NDUFS1: variants seen among roughly 807,000 people sequenced by gnomAD.
NDUFS1 encodes NADH-ubiquinone oxidoreductase 75 kDa subunit, mitochondrial.
NDUFS1 carries 61 observed loss-of-function variants against 84.4 expected under a neutral mutation model. That is an observed-to-expected ratio of 0.72 (90% confidence interval 0.59 to 0.89). The LOEUF is 0.89. Ranked by LOEUF, NDUFS1 falls within the 40% of genes least tolerant of loss-of-function variation. NDUFS1 has a pLI of 0.00. For synonymous variants in NDUFS1, 275 were observed against 290.0 expected (o/e 0.95, Z 0.53); for missense variants, 891 against 890.0 (o/e 1.00, Z -0.01).
In NDUFS1 at chr2:206,115,249, A is replaced by G. The variant is rs1479760028; in HGVS notation, c.*8936T>C. 1 of 152,332 alleles carries G rather than the reference A, an allele frequency of 6.6e-6. No homozygotes were observed. The highest frequency in any genetic ancestry group is 1.5e-5 in the Non-Finnish European group (1 of 68,136). The allele number at this position is 152,332 out of a possible 1,614,324, so 9.4% of individuals were successfully genotyped here. ...ATTTATTTTGCATGTGAGGACATGA[A>G]TCTGGGGAGCCCAAGGTGTGGAATG... On this transcript the variant is annotated 3_prime_UTR_variant, in exon 19 of 19. Transcript: ENST00000233190.
rs1237620228 is a variant in NDUFS1, at chr2:206,136,464, C to T, written c.1392+2021G>A. Among the ~76,000 whole-genome samples, 4 of 141,366 alleles carry T rather than the reference C, an allele frequency of 2.8e-5. 1 individual carries two copies. The highest frequency in any genetic ancestry group is 1.5e-4 in the Admixed American group (2 of 13,386). 92.7% of individuals were successfully genotyped at this position (141,366 alleles called of 152,430 possible). On this transcript the variant is annotated intron_variant, in intron 13 of 18. Transcript: ENST00000233190. ...TTTTTTTTTTTTTGAGATGGAGTCT[C>T]GCTCTGTCGCCCAGGCTGGAGTGCA...
In NDUFS1 at chr2:206,149,072, C is replaced by A; in HGVS notation, c.286G>T (p.Val96Leu). The change falls in exon 5 of 19, where the codon GTA (valine) becomes TTA (leucine). Residue 96 changes from valine (V) to leucine (L), a missense_variant. By Grantham distance (32) the Val-to-Leu change is conservative (BLOSUM62 1). Transcript: ENST00000233190. ...PKVVAACAMP[V>L]MKGWNILTNS... ...GTTAGGATATTCCAACCCTTCATTA[C>A]TGGCATGGCACAAGCAGCTACAACC... The A allele has an allele frequency of 6.2e-7, 1 of 1,612,838 alleles. No individual in the cohort carries two copies. The highest frequency in any genetic ancestry group is 8.5e-7 in the Non-Finnish European group (1 of 1,179,554).
intron 1 of NDUFS1, among the ~76,000 whole-genome samples, chr2:206,157,697 G>A (rs1687713978): frequency 1.3e-5 from 2 of 152,190 alleles, no homozygotes; most frequent in Non-Finnish European, 2.9e-5. Flanking sequence ...CAGCAACAAA[G>A]CATAGCCCAA....
At position 206,130,152 on chromosome 2, in the gene NDUFS1, C is replaced by A. The variant is rs1475542942; in HGVS notation, c.1644G>T (p.Leu548=). 32 of 1,614,064 alleles carry A rather than the reference C, an allele frequency of 2.0e-5. No homozygotes were observed. The highest frequency in any genetic ancestry group is 2.7e-5 in the Non-Finnish European group (32 of 1,180,040). ...RKNPPKVLFL[L]GADGGCITRQ... is the part of the protein sequence containing the mutation. Reference sequence around the variant, plus strand: ...GTGTGATACAACCTCCATCTGCTCCCAGGAGAAACAGCACCTTGGGAGGGT... The same window carrying A: ...GTGTGATACAACCTCCATCTGCTCCAAGGAGAAACAGCACCTTGGGAGGGT... Residue 548 remains leucine, a synonymous_variant, in exon 15 of 19, where the codon CTG becomes CTT. Transcript: ENST00000233190.
At position 206,123,331 on chromosome 2, in the gene NDUFS1, T is replaced by C. The variant is rs1194373415; in HGVS notation, c.*854A>G. 5 of 148,264 alleles carry C rather than the reference T, an allele frequency of 3.4e-5. No homozygotes were observed. The South Asian group carries it at 8.4e-4, about 25-fold the overall frequency. 9.2% of individuals were successfully genotyped at this position (148,264 alleles called of 1,614,324 possible). On this transcript the variant is annotated 3_prime_UTR_variant, in exon 19 of 19. Coordinates refer to ENST00000233190, the MANE Select transcript of NDUFS1 (RefSeq NM_005006.7). ...TCATAAGTATACATGCATACATGTA[T>C]AACTTATAAAAAAAAAAAAGCCACA... is the stretch of plus-strand genomic sequence containing the variant.
At chr2:206,154,941 T>G (rs1687585576) in intron 1 of NDUFS1, among the ~76,000 whole-genome samples, 1 of 148,678 alleles carries the variant, frequency 6.7e-6, no homozygotes, top group Non-Finnish European at 1.5e-5. Context: ...TTTTTTTTTT[T>G]TTGAGATAGA....
chr2:206,153,883 A>G (rs753486087), intron 1 of NDUFS1, among the ~76,000 whole-genome samples: 1 of 152,246 alleles, frequency 6.6e-6, no homozygotes, highest in Admixed American at 6.5e-5. Context: ...GCTAAGCAGC[A>G]GCAGCTATTG....
At chr2:206,147,182 A>G (rs1692187016) in intron 7 of NDUFS1, 94 bp from the exon 8 acceptor site, 2 of 1,242,000 alleles carry the variant, frequency 1.6e-6, no homozygotes, top group South Asian at 1.2e-5. Context: ...TCCAAACACT[A>G]AAAAGAAATG....
At position 206,153,684 on chromosome 2, in the gene NDUFS1, T is replaced by C. The variant is rs778516217; in HGVS notation, c.-4-2A>G. On this transcript the variant is annotated splice_acceptor_variant, in intron 1 of 18. Coordinates refer to ENST00000233190, the MANE Select transcript of NDUFS1 (RefSeq NM_005006.7). LOFTEE classifies it low-confidence loss of function (5UTR_SPLICE). Reference sequence around the variant, plus strand: ...CTTACAGGTATCCTTAACATATTGCTAAAAATAAAACAAAGAATTATATTA... The same window carrying C: ...CTTACAGGTATCCTTAACATATTGCCAAAAATAAAACAAAGAATTATATTA... 7.0e-7 allele frequency: 1 copy of C among 1,430,538 alleles called. No homozygotes were observed. Among genetic ancestry groups the C allele is most frequent in the Non-Finnish European group, 9.8e-7 (1 of 1,025,512 alleles). 88.6% of individuals were successfully genotyped at this position (1,430,538 alleles called of 1,614,324 possible). A position where few individuals can be genotyped will look rare whatever the true frequency, so the allele number is the denominator to read the frequency against.
chr2:206,134,000 G>A (rs899524480), intron 13 of NDUFS1, among the ~76,000 whole-genome samples: 7 of 152,000 alleles, frequency 4.6e-5, no homozygotes, highest in African/African-American at 7.2e-5. Flanking sequence ...AAAACAAAAC[G>A]TGTAAAGTTA....
rs1267265770 is a variant in NDUFS1, at chr2:206,123,236, T to A, written c.*949A>T. ...TTTAACACTACAGATGGTGTTAGGATAATGAATACAGAACATCAATGAGAA... is the reference window on the plus strand; with the variant it reads ...TTTAACACTACAGATGGTGTTAGGAAAATGAATACAGAACATCAATGAGAA... On this transcript the variant is annotated 3_prime_UTR_variant, in exon 19 of 19. Transcript: ENST00000233190. The A allele has an allele frequency of 6.6e-6, 1 of 151,852 alleles. No individual in the cohort carries two copies. The highest frequency in any genetic ancestry group is 1.5e-5 in the Non-Finnish European group (1 of 67,996). The allele number at this position is 151,852 out of a possible 1,614,324, so 9.4% of individuals were successfully genotyped here.
chr2:206,140,935 T>C (rs1227969664), intron 12 of NDUFS1, among the ~76,000 whole-genome samples: 2 of 61,810 alleles, frequency 3.2e-5, no homozygotes, highest in African/African-American at 2.1e-4. Flanking sequence ...TATATATATA[T>C]ATATATATAC....
In NDUFS1 at chr2:206,120,946, A is replaced by G. The variant is rs577669014; in HGVS notation, c.*3239T>C. The G allele has an allele frequency of 3.0e-4, 45 of 152,336 alleles. 1 individual carries two copies. Among genetic ancestry groups the G allele is most frequent in the Admixed American group, 8.5e-4 (13 of 15,300 alleles). The allele number at this position is 152,336 out of a possible 1,614,324, so 9.4% of individuals were successfully genotyped here. On this transcript the variant is annotated 3_prime_UTR_variant, in exon 19 of 19. Coordinates refer to ENST00000233190, the MANE Select transcript of NDUFS1 (RefSeq NM_005006.7). ...AGCTATTCACCTTACATTGCTGTCC[A>G]AAATGTTTTCATTTGAGGCAACCTG...
At chr2:206,125,403 A>G (rs1691251227) in intron 18 of NDUFS1, among the ~76,000 whole-genome samples, 1 of 152,096 alleles carries the variant, frequency 6.6e-6, no homozygotes, top group South Asian at 2.1e-4. Context: ...CAGAGGTTGC[A>G]GCAAGCCAAG....
intron 1 of NDUFS1, among the ~76,000 whole-genome samples, 159 bp from the exon 2 acceptor site, chr2:206,153,841 C>T (rs2105984357): frequency 6.6e-6 from 1 of 152,264 alleles, no homozygotes; most frequent in Admixed American, 6.5e-5. Flanking sequence ...AATTCTCAGT[C>T]TCAGAGATAC....
chr2:206,128,010 T>C lies in NDUFS1; in HGVS notation c.1709-38A>G, dbSNP rs781421135. 2.0e-5 allele frequency: 32 copies of C among 1,598,844 alleles called. No individual in the cohort carries two copies. In the Middle Eastern group the frequency reaches 4.9e-4, roughly 25 times the overall value. On this transcript the variant is annotated intron_variant, in intron 15 of 18. Transcript: ENST00000233190. The stretch of plus-strand genomic sequence containing the variant: ...GGAAAATGGTAAACCAAAATTTTAT[T>C]AAAAACTGATTTTCTACTGTACATG...
chr2:206,154,660 A>G (rs938406302), intron 1 of NDUFS1, among the ~76,000 whole-genome samples: 3 of 152,168 alleles, frequency 2.0e-5, no homozygotes, highest in Non-Finnish European at 4.4e-5. Flanking sequence ...GTCTCGCCCT[A>G]TCACCCAGAC....
At chr2:206,147,502 A>G (rs758764026) in intron 7 of NDUFS1, 29 bp downstream of exon 7, 32 of 1,590,890 alleles carry the variant, frequency 2.0e-5, no homozygotes, top group Non-Finnish European at 2.7e-5. Flanking sequence ...ATTATATTCT[A>G]TAATAGAAAA....
intron 13 of NDUFS1, among the ~76,000 whole-genome samples, chr2:206,135,572 C>G (rs777225306): frequency 3.2e-4 from 49 of 151,644 alleles, no homozygotes; most frequent in Non-Finnish European, 6.2e-4. Context: ...ACTCGGGAGG[C>G]TGAGGCAAGA....
Sources: gnomAD v4.1 joint callset for allele counts (sites outside exome capture counted in the v4.1 genomes callset) on GRCh38, gnomAD v4.1.1 for gene constraint, MANE v1.5 for transcripts, NCBI Gene and HGNC (gene_info 2026-07-23, HGNC 2026-07-21) for gene names.